The following KIAA1217 variants were observed in gnomAD, a reference collection of about 807,000 sequenced individuals.
KIAA1217 encodes the protein sickle tail protein homolog.
In KIAA1217, 88 loss-of-function variants were observed where a neutral mutation model predicts 163.9. That is an observed-to-expected ratio of 0.54 (90% CI 0.45 to 0.64). The LOEUF is 0.64. KIAA1217 is among the 30% of genes least tolerant of loss of function. The pLI is 0.00. For missense variants in KIAA1217, 2,372 were observed against 2,475.0 expected (o/e 0.96, Z 0.88); for synonymous variants, 903 against 923.1 (o/e 0.98, Z 0.39).
At chr10:24,141,231 C>CG (rs1554882508) in intron 2 of KIAA1217, among the ~76,000 whole-genome samples, 11 of 128,074 alleles carry the variant, frequency 8.6e-5, no homozygotes, top group Non-Finnish European at 1.4e-4. Context: ...ATAAACCCCC[C>CG]CCCCCCATTT....
chr10:24,246,701 CT>C (rs1440261667), intron 2 of KIAA1217, among the ~76,000 whole-genome samples: 11 of 152,286 alleles, frequency 7.2e-5, no homozygotes, highest in Non-Finnish European at 1.6e-4. Flanking sequence ...CTTTTCTAAA[CT>C]GTTAACCGTG....
chr10:24,374,789 T>G (rs2052226013), intron 2 of KIAA1217, among the ~76,000 whole-genome samples: 1 of 152,132 alleles, frequency 6.6e-6, no homozygotes, highest in Non-Finnish European at 1.5e-5. Flanking sequence ...TTTTGTATTC[T>G]TCTGTTATTT....
At chr10:24,474,083 G>A (rs375986781) in intron 6 of KIAA1217, 23 bp downstream of exon 6, 141 of 1,551,048 alleles carry the variant, frequency 9.1e-5, no homozygotes, top group South Asian at 1.6e-4. Flanking sequence ...GAGGGTGACC[G>A]AGGGTGGTAC....
chr10:24,477,788 A>G (rs1381882730), intron 6 of KIAA1217, among the ~76,000 whole-genome samples: 3 of 152,212 alleles, frequency 2.0e-5, no homozygotes, highest in Non-Finnish European at 4.4e-5. Flanking sequence ...ACTATGTCAA[A>G]GAAAAATGTT....
In KIAA1217 at chr10:24,544,004, T is replaced by C; in HGVS notation, c.4734T>C (p.Pro1578=). The change falls in exon 19 of 21, where the codon CCT becomes CCC. Residue 1578 remains proline, a synonymous_variant. Coordinates refer to ENST00000376454, the MANE Select transcript of KIAA1217 (RefSeq NM_019590.5). The stretch of plus-strand genomic sequence containing the variant: ...AGAAAAAGTTTAAATTCAAATTCCC[T>C]AAGAAGCAACTCGCCGCTCTCACTC... The part of the protein sequence containing the change: ...SPKKKFKFKF[P]KKQLAALTQA... 6.2e-7 allele frequency: 1 copy of C among 1,614,094 alleles called. No individual in the cohort carries two copies. The highest frequency in any genetic ancestry group is 1.6e-4 in the Middle Eastern group (1 of 6,062).
intron 1 of KIAA1217, among the ~76,000 whole-genome samples, chr10:23,803,430 G>A (rs1314759516): frequency 1.3e-5 from 2 of 152,212 alleles, no homozygotes; most frequent in South Asian, 2.1e-4. Flanking sequence ...CCAGGGCCCA[G>A]TCCCCATGCC....
chr10:24,295,225 C>T (rs2040448913), intron 2 of KIAA1217, among the ~76,000 whole-genome samples: 1 of 152,132 alleles, frequency 6.6e-6, no homozygotes, highest in East Asian at 1.9e-4. Context: ...TTAGTTATTT[C>T]CAGCATAATC....
chr10:24,072,889 T>C (rs2061235886), intron 2 of KIAA1217, among the ~76,000 whole-genome samples: 1 of 151,770 alleles, frequency 6.6e-6, no homozygotes, highest in Non-Finnish European at 1.5e-5. Flanking sequence ...TGAAACCCCA[T>C]CTCTACAGAA....
chr10:24,530,016 C>T (rs1483415238), intron 14 of KIAA1217, among the ~76,000 whole-genome samples: 5 of 151,942 alleles, frequency 3.3e-5, no homozygotes, highest in Admixed American at 6.6e-5. Context: ...AGGCTGATCT[C>T]GAACTCCTGA....
intron 13 of KIAA1217, among the ~76,000 whole-genome samples, chr10:24,526,579 G>A (rs1308666776): frequency 6.6e-6 from 1 of 152,148 alleles, no homozygotes; most frequent in East Asian, 1.9e-4. Context: ...GCTTTGAGAG[G>A]AGACACGAGT....
chr10:23,839,586 A>G (rs1428271874), intron 1 of KIAA1217, among the ~76,000 whole-genome samples: 2 of 152,180 alleles, frequency 1.3e-5, no homozygotes, highest in Non-Finnish European at 2.9e-5. Context: ...ATTTATATAC[A>G]GCATGGCTGT....
intron 2 of KIAA1217, among the ~76,000 whole-genome samples, chr10:24,379,238 T>C (rs1056576113): frequency 2.6e-5 from 4 of 152,200 alleles, no homozygotes; most frequent in African/African-American, 9.6e-5. Context: ...CTTGGTGAAC[T>C]GGGCAGTGAT....
chr10:23,762,313 CAAA>C (rs140364563), intron 1 of KIAA1217, among the ~76,000 whole-genome samples: 1 of 141,096 alleles, frequency 7.1e-6, no homozygotes, highest in African/African-American at 2.5e-5. Flanking sequence ...AGAGACACAA[CAAA>C]AAAAAAAAAG....
intron 10 of KIAA1217, 74 bp from the exon 11 acceptor site, chr10:24,520,048 CG>C (rs376065629): frequency 6.7e-7 from 1 of 1,486,882 alleles, no homozygotes; most frequent in African/African-American, 1.4e-5. Flanking sequence ...GAGGCTGAGA[CG>C]GGCACTCGGC....
chr10:24,277,853 CCT>C (rs1195106228), intron 2 of KIAA1217, among the ~76,000 whole-genome samples: 3 of 152,220 alleles, frequency 2.0e-5, no homozygotes, highest in Non-Finnish European at 4.4e-5. Flanking sequence ...TTTCCTGAGT[CCT>C]CTCTCTGACT....
At chr10:24,018,034 G>A (rs1847566703) in intron 2 of KIAA1217, among the ~76,000 whole-genome samples, 1 of 152,036 alleles carries the variant, frequency 6.6e-6, no homozygotes, top group Non-Finnish European at 1.5e-5. Flanking sequence ...TAAGATCCGA[G>A]TTTAAAGTGG....
intron 1 of KIAA1217, among the ~76,000 whole-genome samples, chr10:23,761,012 G>A (rs1225614106): frequency 6.6e-6 from 1 of 152,136 alleles, no homozygotes; most frequent in African/African-American, 2.4e-5. Context: ...GCTACAGGGA[G>A]GATGAGGTGG....
chr10:24,449,568 G>C, intron 5 of KIAA1217: 2 of 985,394 alleles, frequency 2.0e-6, no homozygotes, highest in African/African-American at 1.7e-5. Context: ...CCGTGAAATA[G>C]TTTTAACAAG....
chr10:24,236,759 C>T (rs1223411211), intron 2 of KIAA1217, among the ~76,000 whole-genome samples: 1 of 151,798 alleles, frequency 6.6e-6, no homozygotes, highest in South Asian at 2.1e-4. Flanking sequence ...TCAGGCGTTC[C>T]TCTCACCTCA....
Sources: allele counts gnomAD v4.1 joint callset (sites outside exome capture counted in the v4.1 genomes callset), GRCh38; gene constraint gnomAD v4.1.1; transcripts MANE v1.5; gene names NCBI Gene and HGNC (gene_info 2026-07-23, HGNC 2026-07-21).